The following RAB40C variants were observed in gnomAD, a reference collection of about 807,000 sequenced individuals.
The protein encoded by RAB40C is RAB40C, member RAS oncogene family, also known as ras-related protein Rab-40C.
A neutral mutation model predicts 28.1 loss-of-function variants in RAB40C; 8 were observed. The observed-to-expected ratio is 0.28, with a 90% CI of 0.17 to 0.51. The LOEUF is 0.51. Among genes scored for constraint, RAB40C ranks in the 20% least tolerant of loss-of-function variants. The pLI, the probability that RAB40C is intolerant of heterozygous loss-of-function variation, is 0.97. For synonymous variants in RAB40C, 201 were observed against 171.7 expected, an observed-to-expected ratio of 1.17 and a Z score of -1.34; for missense variants, 288 against 405.9, an observed-to-expected ratio of 0.71 and a Z score of 2.50.
intron 5 of RAB40C, 24 bp downstream of exon 5, chr16:626,145 C>G: frequency 6.3e-7 from 1 of 1,589,334 alleles, no homozygotes; most frequent in Non-Finnish European, 8.6e-7. Context: ...CGCCGGCCAG[C>G]CCTGAGGTCC....
chr16:599,067 A>C (rs868640492), intron 1 of RAB40C, among the ~76,000 whole-genome samples: 59 of 152,306 alleles, frequency 3.9e-4, no homozygotes, highest in South Asian at 6.2e-4. Context: ...AGGGGCGGTA[A>C]TAGGGTAGAT....
intron 1 of RAB40C, among the ~76,000 whole-genome samples, chr16:608,275 A>G (rs564394676): frequency 6.6e-6 from 1 of 152,304 alleles, no homozygotes; most frequent in South Asian, 2.1e-4. Flanking sequence ...TCACCCGCAC[A>G]AAAACAGCAG....
rs1373057031 is a variant in RAB40C at position 590,505 on chromosome 16, T to G, written c.142+72T>G. 3 of 1,404,946 alleles carry G rather than the reference T, an allele frequency of 2.1e-6. No individual in the cohort carries two copies. In the African/African-American group the frequency reaches 4.6e-5, roughly 22 times the overall value. 87.0% of individuals were successfully genotyped at this position (1,404,946 alleles called of 1,614,324 possible). A position where few individuals can be genotyped will look rare whatever the true frequency, so the allele number is the denominator to read the frequency against. On this transcript the variant is annotated intron_variant, in intron 1 of 5. Coordinates refer to ENST00000248139, the MANE Select transcript of RAB40C (RefSeq NM_021168.5). ...GGCGAGCTGGGCACGGAGCTCGCCCTCGGCCCGGCCCTTCCAAGCGCCGCC... is the reference window on the plus strand; with the variant it reads ...GGCGAGCTGGGCACGGAGCTCGCCCGCGGCCCGGCCCTTCCAAGCGCCGCC...
chr16:591,001 A>G (rs999130525), intron 1 of RAB40C, among the ~76,000 whole-genome samples: 3 of 147,166 alleles, frequency 2.0e-5, no homozygotes, highest in Non-Finnish European at 3.0e-5. Context: ...GTCATGGGCC[A>G]AAAGGAAGGT....
At chr16:609,798 C>T (rs914266048) in intron 1 of RAB40C, among the ~76,000 whole-genome samples, 1 of 152,170 alleles carries the variant, frequency 6.6e-6, no homozygotes, top group Non-Finnish European at 1.5e-5. Context: ...GATTAAAAAA[C>T]AACTGGGCAG....
intron 1 of RAB40C, among the ~76,000 whole-genome samples, chr16:605,164 G>A (rs146620489): frequency 2.9e-4 from 44 of 152,330 alleles, no homozygotes; most frequent in African/African-American, 1.0e-3. Context: ...GTTGGAGGCT[G>A]CAGCGAGCCG....
intron 3 of RAB40C, chr16:624,743 A>G (rs1567194852): frequency 4.1e-6 from 4 of 985,292 alleles, no homozygotes; most frequent in Non-Finnish European, 2.4e-6. Context: ...AGAGGCGGGC[A>G]TAGGGGAATG....
chr16:591,042 G>A (rs1249228687), intron 1 of RAB40C, among the ~76,000 whole-genome samples: 1 of 151,374 alleles, frequency 6.6e-6, no homozygotes, highest in Non-Finnish European at 1.5e-5. Context: ...TGGGGTCCGA[G>A]GAAAGGTGTC....
At chr16:614,196 T>TGGTGAACTGCTAACTCTGCCGCATCCCG (rs1567190636) in intron 1 of RAB40C, among the ~76,000 whole-genome samples, 13 of 108,564 alleles carry the variant, frequency 1.2e-4, no homozygotes, top group Non-Finnish European at 2.1e-4. Context: ...ACCGCATCCC[T>TGGTGAACTGCTAACTCTGCCGCATCCCG]ATGGTGAACT....
At chr16:624,314 C>G (rs1434224760) in intron 3 of RAB40C, 2 of 985,338 alleles carry the variant, frequency 2.0e-6, no homozygotes, top group Non-Finnish European at 2.4e-6. Context: ...TCCCTGTGCC[C>G]CAACCTCCAG....
intron 1 of RAB40C, among the ~76,000 whole-genome samples, chr16:599,526 G>A (rs2036205005): frequency 6.6e-6 from 1 of 152,256 alleles, no homozygotes; most frequent in South Asian, 2.1e-4. Context: ...GCATGTACGT[G>A]AAAATGCACA....
chr16:589,502 G>A (rs1446408996), upstream of RAB40C: 6 of 152,410 alleles, frequency 3.9e-5, no homozygotes, highest in Admixed American at 3.3e-4. Flanking sequence ...CGTTGAAGGG[G>A]CGGATACAAA....
chr16:622,521 T>G (rs576343139), intron 3 of RAB40C, among the ~76,000 whole-genome samples: 1 of 152,328 alleles, frequency 6.6e-6, no homozygotes, highest in East Asian at 1.9e-4. Flanking sequence ...TTTTGTTTTG[T>G]TTTTTGAGAC....
intron 1 of RAB40C, among the ~76,000 whole-genome samples, chr16:606,060 C>T (rs750368726): frequency 3.3e-5 from 5 of 152,246 alleles, no homozygotes; most frequent in East Asian, 1.9e-4. Context: ...AATACAGGGC[C>T]GCAATAGATG....
chr16:617,153 C>T (rs548320348), intron 1 of RAB40C, 55 bp from the exon 2 acceptor site: 18 of 1,590,800 alleles, frequency 1.1e-5, no homozygotes, highest in East Asian at 9.0e-5. Flanking sequence ...GCTGGTCTCG[C>T]GGGCGCTCGC....
At chr16:614,582 A>G (rs148517769) in intron 1 of RAB40C, among the ~76,000 whole-genome samples, 1 of 85,634 alleles carries the variant, frequency 1.2e-5, no homozygotes, top group South Asian at 5.4e-4. Context: ...ACTCTACCGC[A>G]TCCCGATGGT....
chr16:592,845 C>G lies in RAB40C; in HGVS notation c.142+2412C>G, dbSNP rs149340448. Among the ~76,000 whole-genome samples, 160 of 152,378 alleles carry G rather than the reference C, an allele frequency of 1.1e-3. 1 individual carries two copies. The East Asian group carries it at 0.03, about 28-fold the overall frequency. On this transcript the variant is annotated intron_variant, in intron 1 of 5. Transcript: ENST00000248139. ...AGCCAGGAGCTGGAGAGACAGGACC[C>G]TCCTTCCTCCCTGTCCCCTTCGTCG...
rs1481815024 is a variant in RAB40C at position 627,382 on chromosome 16, C to A, written c.606C>A (p.Ser202=). Residue 202 remains serine, a synonymous_variant, in exon 6 of 6, where the codon TCC becomes TCA. Transcript: ENST00000248139. ...LQDLCCRAIV[S]CTPVHLIDKL... is the part of the protein sequence containing the mutation. Reference sequence around the variant, plus strand: ...ACCTCTGCTGCCGGGCCATCGTCTCCTGCACCCCCGTGCACCTCATCGACA... The same window carrying A: ...ACCTCTGCTGCCGGGCCATCGTCTCATGCACCCCCGTGCACCTCATCGACA... The A allele has an allele frequency of 6.2e-7, 1 of 1,613,766 alleles. No homozygotes were observed.
chr16:615,276 T>A (rs1156304050), intron 1 of RAB40C, among the ~76,000 whole-genome samples: 1 of 152,036 alleles, frequency 6.6e-6, no homozygotes, highest in Non-Finnish European at 1.5e-5. Context: ...ACGGTGTGGG[T>A]GGAAGCGCTG....
Sources: gnomAD v4.1 joint callset for allele counts (sites outside exome capture counted in the v4.1 genomes callset) on GRCh38, gnomAD v4.1.1 for gene constraint, MANE v1.5 for transcripts, NCBI Gene and HGNC (gene_info 2026-07-23, HGNC 2026-07-21) for gene names.